Variants in KIF22 observed in about 807,000 individuals in gnomAD.
KIF22 encodes the protein kinesin family member 22.
A neutral mutation model predicts 73.0 loss-of-function variants in KIF22; 62 were observed. The observed-to-expected ratio is 0.85, with a 90% CI of 0.69 to 1.05. KIF22 has a LOEUF of 1.05. Ranked by LOEUF, KIF22 falls within the 50% of genes least tolerant of loss-of-function variation. The pLI, the probability that KIF22 is intolerant of heterozygous loss-of-function variation, is 0.00. For synonymous variants in KIF22, 411 were observed against 340.1 expected (o/e 1.21, Z -2.29); for missense variants, 854 against 870.1 (o/e 0.98, Z 0.23).
chr16:29,791,107 C>T, intron 1 of KIF22: 10 of 1,353,472 alleles, frequency 7.4e-6, no homozygotes, highest in Non-Finnish European at 8.5e-6. Flanking sequence ...TTGTGAGCTT[C>T]GGTTTCTTCG....
At position 29,802,944 on chromosome 16, in the gene KIF22, G is replaced by A. The variant is rs753925181; in HGVS notation, c.1449+7G>A. On this transcript the variant is annotated splice_region_variant and intron_variant, in intron 9 of 13. Transcript: ENST00000160827. ...GAAGGACCTAGAGATTGAGGTACGT[G>A]TTTTAGGGATGTGGGAGCTGGATTC... 1 of 1,611,138 alleles carries A rather than the reference G, an allele frequency of 6.2e-7. No individual in the cohort carries two copies. The highest frequency in any genetic ancestry group is 1.7e-5 in the Admixed American group (1 of 59,572).
intron 12 of KIF22, 36 bp downstream of exon 12, chr16:29,805,062 G>C: frequency 6.2e-7 from 1 of 1,611,406 alleles, no homozygotes; most frequent in African/African-American, 1.3e-5. Context: ...GGCGGGGGCG[G>C]GGGAGACCGG....
Position 29,804,850 on chromosome 16 carries a change from G to A in KIF22, c.1714G>A (p.Ala572Thr). 6.2e-7 allele frequency: 1 copy of A among 1,613,216 alleles called. No homozygotes were observed. The highest frequency in any genetic ancestry group is 2.2e-5 in the East Asian group (1 of 44,870). The change falls in exon 12 of 14, where the codon GCT becomes ACT. Residue 572 changes from alanine (A) to threonine (T), a missense_variant. Ala to Thr is a moderately conservative substitution (Grantham distance 58). Transcript: ENST00000160827. ...SLDALEPEEK[A>T]EDCWELQISP... is the part of the protein sequence containing the mutation. ...GGATGCCCTAGAGCCTGAGGAGAAGGCTGAGGACTGCTGGGAGCTACAGAT... is the reference window on the plus strand; with the variant it reads ...GGATGCCCTAGAGCCTGAGGAGAAGACTGAGGACTGCTGGGAGCTACAGAT...
Position 29,802,927 on chromosome 16 carries a change from T to TA in KIF22, c.1440dup (p.Glu481ArgfsTer3). 4 of 1,611,956 alleles carry TA rather than the reference T, an allele frequency of 2.5e-6. No homozygotes were observed. Among genetic ancestry groups the TA allele is most frequent in the Non-Finnish European group, 3.4e-6 (4 of 1,179,228 alleles). ...ATGAAGACAGTGGAAGAGAAGGACC[T>TA]AGAGATTGAGGTACGTGTTTTAGGG... On this transcript the variant is annotated frameshift_variant, in exon 9 of 14. Coordinates refer to ENST00000160827, the MANE Select transcript of KIF22 (RefSeq NM_007317.3). LOFTEE classifies it high-confidence loss of function.
Position 29,799,040 on chromosome 16 carries a change from C to T in KIF22, c.615C>T (p.Ile205=), listed in dbSNP as rs766761438. ...TCCGAGAAGACTGCCGGGGGAATAT[C>T]CTGATTCCGGGTCTCTCCCAGAAGC... ...LVIREDCRGN[I]LIPGLSQKPI... The change falls in exon 5 of 14, where the codon ATC becomes ATT. Residue 205 remains isoleucine (I), a synonymous_variant. Coordinates refer to ENST00000160827, the MANE Select transcript of KIF22 (RefSeq NM_007317.3). 3 of 1,614,092 alleles carry T rather than the reference C, an allele frequency of 1.9e-6. No individual in the cohort carries two copies. In the African/African-American group the frequency reaches 4.0e-5, roughly 22 times the overall value.
In KIF22 at chr16:29,803,380, G is replaced by A; in HGVS notation, c.1450-69G>A. ...GCTCAGAGCCTTGCATACTCACCCT[G>A]GTAACCCACTCCCTTCAGGCTGCCC... On this transcript the variant is annotated intron_variant, in intron 9 of 13. Transcript: ENST00000160827. 7 of 1,584,684 alleles carry A rather than the reference G, an allele frequency of 4.4e-6. No individual in the cohort carries two copies. In the South Asian group the frequency reaches 8.1e-5, roughly 18 times the overall value.
rs761698744 is a variant in KIF22 at position 29,799,916 on chromosome 16, T to C, written c.1148T>C (p.Leu383Ser). Residue 383 changes from leucine to serine, a missense_variant, in exon 8 of 14, where the codon TTG becomes TCG. By Grantham distance (145) the Leu-to-Ser change is moderately radical. Coordinates refer to ENST00000160827, the MANE Select transcript of KIF22 (RefSeq NM_007317.3). ...ACCCCATCCTCCAATCATCTAGCCT[T>C]GGGACCTGTTAAGCTGTCTCAGAAA... ...FTNESLQPHALGPVKLSQKEL... is the reference protein window; with the variant it reads ...FTNESLQPHASGPVKLSQKEL... 7 of 1,614,096 alleles carry C rather than the reference T, an allele frequency of 4.3e-6. No individual in the cohort carries two copies. Among genetic ancestry groups the C allele is most frequent in the Non-Finnish European group, 5.9e-6 (7 of 1,179,968 alleles).
rs1183067495 is a variant in KIF22, at chr16:29,799,047, C to A, written c.622C>A (p.Pro208Thr). The change falls in exon 5 of 14, where the codon CCG (proline) becomes ACG (threonine). Residue 208 changes from proline to threonine, a missense_variant. Physicochemically the swap from Pro to Thr is conservative, Grantham distance 38. Coordinates refer to ENST00000160827, the MANE Select transcript of KIF22 (RefSeq NM_007317.3). ...REDCRGNILI[P>T]GLSQKPISSF... ...AGACTGCCGGGGGAATATCCTGATT[C>A]CGGGTCTCTCCCAGAAGCCCATCAG... is the stretch of plus-strand genomic sequence containing the variant. 1 of 1,614,174 alleles carries A rather than the reference C, an allele frequency of 6.2e-7. No individual in the cohort carries two copies. The highest frequency in any genetic ancestry group is 1.1e-5 in the South Asian group (1 of 91,092).
chr16:29,805,150 G>A lies in KIF22; in HGVS notation c.1926G>A (p.Gly642=), dbSNP rs148947920. 4.6e-5 allele frequency: 74 copies of A among 1,613,924 alleles called. 1 individual carries two copies. Among genetic ancestry groups the A allele is most frequent in the Admixed American group, 2.2e-4 (13 of 60,018 alleles). The change falls in exon 13 of 14, where the codon GGG becomes GGA. Residue 642 remains glycine (G), a synonymous_variant. Transcript: ENST00000160827. ...EDLERVEGIT[G]KQMESFLKAN... is the part of the protein sequence containing the mutation. Reference sequence around the variant, plus strand: ...TGGAACGCGTGGAGGGCATAACGGGGAAACAGATGGAGTCCTTCCTGAAGG... The same window carrying A: ...TGGAACGCGTGGAGGGCATAACGGGAAAACAGATGGAGTCCTTCCTGAAGG...
At chr16:29,793,958 G>C (rs1169893244) in intron 1 of KIF22, among the ~76,000 whole-genome samples, 2 of 152,176 alleles carry the variant, frequency 1.3e-5, no homozygotes, top group East Asian at 3.8e-4. Flanking sequence ...TCTAGCACTA[G>C]GGAAGTCATG....
rs1001746297 is a variant in KIF22, at chr16:29,799,407, G to A, written c.903G>A (p.Leu301=). 1 of 1,614,226 alleles carries A rather than the reference G, an allele frequency of 6.2e-7. No individual in the cohort carries two copies. The change falls in exon 6 of 14, where the codon CTG becomes CTA. Residue 301 remains leucine, a synonymous_variant. Transcript: ENST00000160827. ...AGAGTGGAGCCATCAACACCTCCCT[G>A]TTTGTCCTGGGCAAAGTGGTAGATG... ...LKESGAINTS[L]FVLGKVVDAL...
rs761730575 is a variant in KIF22, at chr16:29,798,509, A to G, written c.394+8A>G. On this transcript the variant is annotated splice_region_variant and intron_variant, in intron 3 of 13. Transcript: ENST00000160827. This position sits in a 1 kb window ranked among gnomAD's most constrained non-coding sequence, Gnocchi z 4.1. ...ATGGACCCACAGGAGCTGGTGAGGG[A>G]GCCAGAAAAGAAACAGCTATGGGTC... 25 of 1,613,968 alleles carry G rather than the reference A, an allele frequency of 1.5e-5. No homozygotes were observed. The East Asian group carries it at 5.3e-4, about 35-fold the overall frequency.
chr16:29,799,458 A>G lies in KIF22; in HGVS notation c.954A>G (p.Val318=). Residue 318 remains valine (V), a synonymous_variant, in exon 6 of 14, where the codon GTA becomes GTG. Coordinates refer to ENST00000160827, the MANE Select transcript of KIF22 (RefSeq NM_007317.3). ...CGCTGAATCAGGGCCTCCCTCGTGT[A>G]CCTTATCGGGACAGCAAGCTCACTC... is the stretch of plus-strand genomic sequence containing the variant. ...VDALNQGLPR[V]PYRDSKLTRL... The G allele has an allele frequency of 1.2e-6, 2 of 1,614,106 alleles. No homozygotes were observed. The highest frequency in any genetic ancestry group is 1.7e-6 in the Non-Finnish European group (2 of 1,180,012).
rs1899230508 is a variant in KIF22 at position 29,803,748 on chromosome 16, C to G, written c.1609+140C>G. The G allele has an allele frequency of 1.0e-5, 8 of 788,104 alleles. No individual in the cohort carries two copies. In the South Asian group the frequency reaches 1.4e-4, roughly 14 times the overall value. The allele number at this position is 788,104 out of a possible 1,614,324, so 48.8% of individuals were successfully genotyped here. A position where few individuals can be genotyped will look rare whatever the true frequency, so the allele number is the denominator to read the frequency against. The stretch of plus-strand genomic sequence containing the variant: ...AGGGAGGGGTGAGGAGGCTCTGAGG[C>G]AGTGCTGGGGGTGCTCTGCCCTCGG... On this transcript the variant is annotated intron_variant, in intron 10 of 13. Coordinates refer to ENST00000160827, the MANE Select transcript of KIF22 (RefSeq NM_007317.3).
Position 29,800,024 on chromosome 16 carries a change from C to T in KIF22, c.1256C>T (p.Pro419Leu), listed in dbSNP as rs1367201860. 6.2e-7 allele frequency: 1 copy of T among 1,612,922 alleles called. No individual in the cohort carries two copies. The highest frequency in any genetic ancestry group is 2.2e-5 in the East Asian group (1 of 44,882). ...EIGSPEPMAA[P>L]ASASQKLSPL... ...GGGAGCCCTGAGCCCATGGCAGCTC[C>T]AGCCTCTGCCTCCCAGAAACTCAGG... The change falls in exon 8 of 14, where the codon CCA becomes CTA. Residue 419 changes from proline to leucine, a missense_variant. Around this residue, in one of 3 missense-constraint regions of KIF22, gnomAD observed 423 missense variants for 365.4 expected, o/e 1.16. Transcript: ENST00000160827.
rs1898965625 is a variant in KIF22, at chr16:29,796,886, C to T, written c.71-7C>T. 6 of 1,613,856 alleles carry T rather than the reference C, an allele frequency of 3.7e-6. No individual in the cohort carries two copies. The highest frequency in any genetic ancestry group is 5.1e-6 in the Non-Finnish European group (6 of 1,179,864). On this transcript the variant is annotated splice_polypyrimidine_tract_variant and splice_region_variant and intron_variant, in intron 1 of 13. Transcript: ENST00000160827. ...TTCATGTCTAAAAGTGATCTTCTCT[C>T]CTCCAGGAGCTGGTCGCTGTCGGCT...
chr16:29,805,182 C>G lies in KIF22; in HGVS notation c.1950+8C>G. 1 of 1,614,162 alleles carries G rather than the reference C, an allele frequency of 6.2e-7. No homozygotes were observed. Among genetic ancestry groups the G allele is most frequent in the Non-Finnish European group, 8.5e-7 (1 of 1,180,020 alleles). On this transcript the variant is annotated splice_region_variant and intron_variant, in intron 13 of 13. Transcript: ENST00000160827. Reference sequence around the variant, plus strand: ...ATGGAGTCCTTCCTGAAGGTGAAGTCACGGCCCTGCCCCTCCTCTGCCTGT... The same window carrying G: ...ATGGAGTCCTTCCTGAAGGTGAAGTGACGGCCCTGCCCCTCCTCTGCCTGT...
At chr16:29,799,879 A>G (rs936119787) in intron 7 of KIF22, 34 bp from the exon 8 acceptor site, 13 of 1,612,994 alleles carry the variant, frequency 8.1e-6, no homozygotes, top group Non-Finnish European at 1.1e-5. Flanking sequence ...ACCACCCCCA[A>G]TCCCTCTCTC....
intron 1 of KIF22, among the ~76,000 whole-genome samples, 179 bp from the exon 2 acceptor site, chr16:29,796,714 C>T (rs1165197854): frequency 6.6e-6 from 1 of 152,156 alleles, no homozygotes; most frequent in Non-Finnish European, 1.5e-5. Flanking sequence ...ACACCTGCTG[C>T]ACTTGCTTGT....
Sources: allele counts gnomAD v4.1 joint callset (sites outside exome capture counted in the v4.1 genomes callset), GRCh38; gene constraint gnomAD v4.1.1; regional missense constraint gnomAD v4.1.1; non-coding constraint Gnocchi (gnomAD v3.1); transcripts MANE v1.5; gene names NCBI Gene and HGNC (gene_info 2026-07-23, HGNC 2026-07-21).